Variants in WWTR1 observed in about 807,000 individuals in gnomAD.
WWTR1 encodes WW domain containing transcription regulator 1.
A neutral mutation model predicts 40.1 loss-of-function variants in WWTR1; 13 were observed. The observed-to-expected ratio is 0.32, with a 90% CI of 0.21 to 0.52. The LOEUF is 0.52. Ranked by LOEUF, WWTR1 falls within the 20% of genes least tolerant of loss-of-function variation. WWTR1 has a pLI of 0.97. For synonymous variants in WWTR1, 230 were observed against 210.1 expected, an observed-to-expected ratio of 1.09 and a Z score of -0.82; for missense variants, 436 against 523.1, an observed-to-expected ratio of 0.83 and a Z score of 1.63.
intron 3 of WWTR1, among the ~76,000 whole-genome samples, chr3:149,549,824 G>A (rs1400386854): frequency 6.6e-6 from 1 of 152,068 alleles, no homozygotes; most frequent in Non-Finnish European, 1.5e-5. Context: ...GGGCAACAGA[G>A]TGAAACCTTG....
chr3:149,708,911 C>A (rs1011238228), intron 5 of WWTR1, among the ~76,000 whole-genome samples: 20 of 152,090 alleles, frequency 1.3e-4, no homozygotes, highest in African/African-American at 4.8e-4. Flanking sequence ...AGCTGTAGTA[C>A]CATTTTACAT....
At chr3:149,663,138 T>G (rs551576318) in intron 2 of WWTR1, among the ~76,000 whole-genome samples, 1 of 152,168 alleles carries the variant, frequency 6.6e-6, no homozygotes, top group African/African-American at 2.4e-5. Context: ...GTTCAAGCGA[T>G]TCTCCTGTCT....
intron 1 of WWTR1, among the ~76,000 whole-genome samples, chr3:149,681,463 C>T (rs1714455869): frequency 6.6e-6 from 1 of 152,142 alleles, no homozygotes; most frequent in Non-Finnish European, 1.5e-5. Flanking sequence ...TACCTATTGG[C>T]CATCTGTATG....
At chr3:149,630,240 ATAT>A (rs1189493229) in intron 2 of WWTR1, among the ~76,000 whole-genome samples, 2 of 152,204 alleles carry the variant, frequency 1.3e-5, no homozygotes, top group Non-Finnish European at 2.9e-5. Flanking sequence ...GCAATAAGTA[ATAT>A]TATAATATTT....
At chr3:149,720,869 T>C (rs1250057141) in intron 4 of WWTR1, among the ~76,000 whole-genome samples, 3 of 152,218 alleles carry the variant, frequency 2.0e-5, no homozygotes, top group Non-Finnish European at 4.4e-5. Context: ...TACTTTATTA[T>C]TTTTGATGCT....
chr3:149,533,222 C>T (rs1735673825), intron 4 of WWTR1, among the ~76,000 whole-genome samples: 1 of 152,224 alleles, frequency 6.6e-6, no homozygotes, highest in Non-Finnish European at 1.5e-5. Context: ...CATTGCTTCT[C>T]TAGCTAGTCC....
intron 2 of WWTR1, among the ~76,000 whole-genome samples, chr3:149,665,753 A>G (rs1713789483): frequency 6.6e-6 from 1 of 152,250 alleles, no homozygotes; most frequent in Non-Finnish European, 1.5e-5. Context: ...GAATAAAAAG[A>G]TGCTAAAATT....
chr3:149,555,412 C>G (rs1026560541), intron 3 of WWTR1, among the ~76,000 whole-genome samples: 1 of 151,346 alleles, frequency 6.6e-6, no homozygotes, highest in South Asian at 2.1e-4. Flanking sequence ...AAGAAACAGC[C>G]TTTTTCAGCA....
chr3:149,550,471 A>G (rs1381351004), intron 3 of WWTR1, among the ~76,000 whole-genome samples: 1 of 152,192 alleles, frequency 6.6e-6, no homozygotes, highest in Non-Finnish European at 1.5e-5. Flanking sequence ...TCTTCTGGAT[A>G]GGAATACTAG....
At chr3:149,622,847 A>G (rs1740377706) in intron 2 of WWTR1, among the ~76,000 whole-genome samples, 1 of 152,076 alleles carries the variant, frequency 6.6e-6, no homozygotes, top group Non-Finnish European at 1.5e-5. Context: ...CTCACATCAC[A>G]CCACTGCGCT....
intron 2 of WWTR1, among the ~76,000 whole-genome samples, chr3:149,664,738 G>A (rs58706719): frequency 1.3e-5 from 2 of 151,834 alleles, no homozygotes; most frequent in East Asian, 1.9e-4. Flanking sequence ...ACAGGCATGC[G>A]CCATCATGCC....
intron 5 of WWTR1, among the ~76,000 whole-genome samples, chr3:149,711,533 T>C (rs910464723): frequency 5.3e-5 from 8 of 152,186 alleles, no homozygotes; most frequent in African/African-American, 1.9e-4. Flanking sequence ...TCTGGGCATA[T>C]ACAACCTGAT....
At chr3:149,627,661 G>A (rs1008025369) in intron 2 of WWTR1, among the ~76,000 whole-genome samples, 12 of 152,070 alleles carry the variant, frequency 7.9e-5, no homozygotes, top group African/African-American at 2.9e-4. Context: ...ATCACAGCGG[G>A]GTTCACCTCC....
intron 2 of WWTR1, among the ~76,000 whole-genome samples, chr3:149,643,237 G>A (rs1446091426): frequency 6.6e-6 from 1 of 152,136 alleles, no homozygotes; most frequent in Non-Finnish European, 1.5e-5. Flanking sequence ...ACAAAGATAG[G>A]AAAGATAAAC....
chr3:149,626,670 C>A (rs1363086468), intron 2 of WWTR1, among the ~76,000 whole-genome samples: 1 of 151,972 alleles, frequency 6.6e-6, no homozygotes, highest in Non-Finnish European at 1.5e-5. Context: ...AGGGAAGATA[C>A]CAGAGGTATC....
chr3:149,549,317 G>A (rs1736509821), intron 3 of WWTR1, among the ~76,000 whole-genome samples: 1 of 152,200 alleles, frequency 6.6e-6, no homozygotes, highest in South Asian at 2.1e-4. Context: ...TGATAATGGT[G>A]TGCACCCTTG....
In WWTR1 at chr3:149,520,460, A is replaced by G; in HGVS notation, c.*345T>C. 5.6e-6 allele frequency: 1 copy of G among 177,304 alleles called. No individual in the cohort carries two copies. The highest frequency in any genetic ancestry group is 1.2e-5 in the Non-Finnish European group (1 of 85,338). 11.0% of individuals were successfully genotyped at this position (177,304 alleles called of 1,614,324 possible). ...GGTCAGCTTTTTATGGTTTAAAATC[A>G]ATTGGTGTATAAATTTCAATTAACA... is the stretch of plus-strand genomic sequence containing the variant. On this transcript the variant is annotated 3_prime_UTR_variant, in exon 7 of 7. Transcript: ENST00000360632.
intron 6 of WWTR1, among the ~76,000 whole-genome samples, chr3:149,522,973 C>T (rs942428318): frequency 4.6e-5 from 7 of 151,268 alleles, no homozygotes; most frequent in African/African-American, 1.2e-4. Context: ...GGCTGAGGCC[C>T]GAGACTCGTT....
At chr3:149,654,420 A>G (rs926343368) in intron 2 of WWTR1, among the ~76,000 whole-genome samples, 1 of 152,238 alleles carries the variant, frequency 6.6e-6, no homozygotes, top group Non-Finnish European at 1.5e-5. Flanking sequence ...CACTTGGCCA[A>G]AATACTTCCA....
Sources: gnomAD v4.1 joint callset for allele counts (sites outside exome capture counted in the v4.1 genomes callset) on GRCh38, gnomAD v4.1.1 for gene constraint, MANE v1.5 for transcripts, NCBI Gene and HGNC (gene_info 2026-07-23, HGNC 2026-07-21) for gene names.